The following PLEKHG1 variants were observed in gnomAD, a reference collection of about 807,000 sequenced individuals.
PLEKHG1 encodes the protein pleckstrin homology and RhoGEF domain containing G1.
A neutral mutation model predicts 100.8 loss-of-function variants in PLEKHG1; 44 were observed. That is an observed-to-expected ratio of 0.44 (90% CI 0.34 to 0.56). PLEKHG1 has a LOEUF of 0.56. Ranked by LOEUF, PLEKHG1 falls within the 20% of genes least tolerant of loss-of-function variation. PLEKHG1 has a pLI of 0.01. For missense variants in PLEKHG1, 1,545 were observed against 1,720.9 expected, an observed-to-expected ratio of 0.90 and a Z score of 1.81; for synonymous variants, 640 against 662.5, an observed-to-expected ratio of 0.97 and a Z score of 0.52.
At chr6:150,674,632 CCTCTCTCTCTCTCT>C (rs756355880) in intron 3 of PLEKHG1, among the ~76,000 whole-genome samples, 47 of 66,282 alleles carry the variant, frequency 7.1e-4, no homozygotes, top group African/African-American at 2.6e-3. Context: ...CTCTCTCCTC[CCTCTCTCTCTCTCT>C]CTCTCTCTCT....
At chr6:150,791,519 A>T (rs1785983042) in intron 4 of PLEKHG1, among the ~76,000 whole-genome samples, 1 of 152,048 alleles carries the variant, frequency 6.6e-6, no homozygotes, top group Non-Finnish European at 1.5e-5. Context: ...AAATAAAAAA[A>T]TTAGCTGGGC....
chr6:150,808,721 CAG>C (rs1787295327), intron 7 of PLEKHG1, among the ~76,000 whole-genome samples: 1 of 151,792 alleles, frequency 6.6e-6, no homozygotes, highest in Non-Finnish European at 1.5e-5. Flanking sequence ...CACTTCCCTC[CAG>C]CCTGGGTGAC....
chr6:150,710,626 G>A (rs963994249), intron 3 of PLEKHG1, among the ~76,000 whole-genome samples: 2 of 152,074 alleles, frequency 1.3e-5, no homozygotes, highest in Non-Finnish European at 2.9e-5. Flanking sequence ...AAGGGGCGTT[G>A]TTGCAGTAAA....
intron 2 of PLEKHG1, among the ~76,000 whole-genome samples, chr6:150,739,324 T>A (rs182521875): frequency 6.6e-6 from 1 of 152,266 alleles, no homozygotes; most frequent in Admixed American, 6.5e-5. Context: ...GCCAGAGAGC[T>A]AATATCCTTT....
chr6:150,767,933 A>G (rs2128639196), intron 2 of PLEKHG1, among the ~76,000 whole-genome samples: 1 of 152,302 alleles, frequency 6.6e-6, no homozygotes, highest in African/African-American at 2.4e-5. Context: ...ACACTCAGTT[A>G]TGAACTCTTT....
At chr6:150,643,271 G>C (rs908910903) in intron 2 of PLEKHG1, among the ~76,000 whole-genome samples, 4 of 152,176 alleles carry the variant, frequency 2.6e-5, no homozygotes, top group South Asian at 2.1e-4. Flanking sequence ...AGTTCTTGCT[G>C]TTTGTCTGCT....
chr6:150,792,431 TGG>T (rs1786044648), intron 4 of PLEKHG1, among the ~76,000 whole-genome samples: 1 of 150,592 alleles, frequency 6.6e-6, no homozygotes, highest in Non-Finnish European at 1.5e-5. Context: ...CCCAACACTC[TGG>T]GAGGCCAAGG....
chr6:150,634,663 T>C (rs906429360), intron 1 of PLEKHG1, among the ~76,000 whole-genome samples: 14 of 152,238 alleles, frequency 9.2e-5, no homozygotes, highest in African/African-American at 3.4e-4. Context: ...TTCAGACATA[T>C]GGAAAAATTT....
intron 4 of PLEKHG1, 38 bp from the exon 6 acceptor site, chr6:150,795,818 C>T (rs766585313): frequency 3.1e-6 from 4 of 1,285,924 alleles, no homozygotes; most frequent in Non-Finnish European, 4.5e-6. Context: ...TATGTTTGTG[C>T]TTTGTTGCCT....
intron 1 of PLEKHG1, among the ~76,000 whole-genome samples, chr6:150,618,396 G>A (rs568342800): frequency 9.2e-5 from 14 of 152,244 alleles, no homozygotes; most frequent in African/African-American, 3.4e-4. Flanking sequence ...TGTTTAATCT[G>A]TATTATTAAC....
intron 3 of PLEKHG1, among the ~76,000 whole-genome samples, chr6:150,652,750 G>T (rs1778803943): frequency 6.6e-6 from 1 of 150,660 alleles, no homozygotes; most frequent in South Asian, 2.1e-4. Context: ...AAAGGAAAAA[G>T]GTTTATACTT....
intron 3 of PLEKHG1, among the ~76,000 whole-genome samples, chr6:150,715,305 G>A (rs1656739429): frequency 6.6e-6 from 1 of 152,140 alleles, no homozygotes; most frequent in Admixed American, 6.5e-5. Context: ...AGAGTAGACA[G>A]TCTGGAAGAA....
chr6:150,840,720 C>G, exon 16 of PLEKHG1: 2 of 1,614,124 alleles, frequency 1.2e-6, no homozygotes, highest in South Asian at 2.2e-5. Flanking sequence ...GAATAGTCCG[C>G]GCACTCCAAA....
intron 3 of PLEKHG1, among the ~76,000 whole-genome samples, chr6:150,655,944 T>TG (rs1778952840): frequency 6.6e-6 from 1 of 151,160 alleles, no homozygotes; most frequent in Admixed American, 6.6e-5. Context: ...CCAGGGCCTG[T>TG]GGGGGGTTGG....
At chr6:150,668,136 C>A (rs1779469561) in intron 3 of PLEKHG1, among the ~76,000 whole-genome samples, 1 of 152,202 alleles carries the variant, frequency 6.6e-6, no homozygotes, top group African/African-American at 2.4e-5. Flanking sequence ...GTGAAGGTTT[C>A]ATGTGCCCAC....
chr6:150,802,797 A>T (rs1345972294), intron 6 of PLEKHG1, among the ~76,000 whole-genome samples: 1 of 151,664 alleles, frequency 6.6e-6, no homozygotes, highest in East Asian at 1.9e-4. Context: ...AGTAGCTGGG[A>T]CTACAGGCGC....
intron 1 of PLEKHG1, among the ~76,000 whole-genome samples, chr6:150,605,113 G>C (rs1776539603): frequency 6.6e-6 from 1 of 152,182 alleles, no homozygotes; most frequent in African/African-American, 2.4e-5. Flanking sequence ...GTTTGCACAG[G>C]AGTTTATAAA....
At chr6:150,623,601 C>T (rs1448194403) in intron 1 of PLEKHG1, among the ~76,000 whole-genome samples, 7 of 152,340 alleles carry the variant, frequency 4.6e-5, no homozygotes, top group South Asian at 2.1e-4. Flanking sequence ...TCAGCCCTTG[C>T]GCGTACTGCA....
In PLEKHG1 at chr6:150,600,012, C is replaced by A; in HGVS notation, c.-209C>A. ...CGCCCGGGCATGCGAAGCCGTCCCTCCCCGGGTAAGCGCCGGTCGGGCCCG... is the reference window on the plus strand; with the variant it reads ...CGCCCGGGCATGCGAAGCCGTCCCTACCCGGGTAAGCGCCGGTCGGGCCCG... On this transcript the variant is annotated 5_prime_UTR_variant, in exon 1 of 4. Transcript: ENST00000367326. This position sits in a 1 kb window ranked among gnomAD's most constrained non-coding sequence, Gnocchi z 6.2. The A allele has an allele frequency of 4.2e-6, 1 of 239,568 alleles. No homozygotes were observed. The highest frequency in any genetic ancestry group is 9.0e-6 in the Non-Finnish European group (1 of 111,342). 14.8% of individuals were successfully genotyped at this position (239,568 alleles called of 1,614,324 possible). A position where few individuals can be genotyped will look rare whatever the true frequency, so the allele number is the denominator to read the frequency against.
Sources: gnomAD v4.1 joint callset for allele counts (sites outside exome capture counted in the v4.1 genomes callset) on GRCh38, gnomAD v4.1.1 for gene constraint, Gnocchi (gnomAD v3.1) non-coding constraint, MANE v1.5 for transcripts, NCBI Gene and HGNC (gene_info 2026-07-23, HGNC 2026-07-21) for gene names.